RANBP3L: variants seen among roughly 807,000 people sequenced by gnomAD.
RANBP3L encodes RAN binding protein 3 like.
Under a neutral mutation model 67.2 loss-of-function variants are expected in RANBP3L, and 56 were observed. That is an observed-to-expected ratio of 0.83 (90% CI 0.67 to 1.04). RANBP3L has a LOEUF of 1.04. Ranked by LOEUF, RANBP3L falls within the 50% of genes least tolerant of loss-of-function variation. The pLI is 0.00. For missense variants in RANBP3L, 496 were observed against 535.5 expected, an observed-to-expected ratio of 0.93 and a Z score of 0.73; for synonymous variants, 164 against 181.4, an observed-to-expected ratio of 0.90 and a Z score of 0.77.
In RANBP3L at chr5:36,269,475, A is replaced by G; in HGVS notation, c.191-8T>C. The G allele has an allele frequency of 6.8e-7, 1 of 1,462,996 alleles. No individual in the cohort carries two copies. Among genetic ancestry groups the G allele is most frequent in the South Asian group, 1.1e-5 (1 of 87,184 alleles). The allele number at this position is 1,462,996 out of a possible 1,614,324, so 90.6% of individuals were successfully genotyped here. On this transcript the variant is annotated splice_region_variant and splice_polypyrimidine_tract_variant and intron_variant, in intron 3 of 13. Transcript: ENST00000296604. Reference sequence around the variant, plus strand: ...TTGGAAAACCATTACATTCTGCAAGAAAAGCAATGGAAAGGCTAAAATTAC... The same window carrying G: ...TTGGAAAACCATTACATTCTGCAAGGAAAGCAATGGAAAGGCTAAAATTAC...
chr5:36,286,599 G>A (rs1266280171), intron 1 of RANBP3L, among the ~76,000 whole-genome samples: 1 of 152,154 alleles, frequency 6.6e-6, no homozygotes, highest in African/African-American at 2.4e-5. Flanking sequence ...GAATCAGAAA[G>A]TCAGAATGGG....
intron 1 of RANBP3L, among the ~76,000 whole-genome samples, chr5:36,295,493 G>A (rs1314811371): frequency 6.6e-6 from 1 of 152,126 alleles, no homozygotes; most frequent in Non-Finnish European, 1.5e-5. Flanking sequence ...GTGGAACTGT[G>A]TGTCAATTAA....
intron 6 of RANBP3L, among the ~76,000 whole-genome samples, chr5:36,262,811 C>T (rs1434940939): frequency 2.0e-5 from 3 of 152,008 alleles, no homozygotes; most frequent in Non-Finnish European, 4.4e-5. Flanking sequence ...ATCAAGAGAG[C>T]ATGTGCCATG....
chr5:36,281,411 C>G (rs187531303), intron 1 of RANBP3L, among the ~76,000 whole-genome samples: 1 of 152,300 alleles, frequency 6.6e-6, no homozygotes, highest in East Asian at 1.9e-4. Flanking sequence ...GGACCTGTCT[C>G]AGGTCACACA....
chr5:36,294,806 A>C (rs1316716516), intron 1 of RANBP3L, among the ~76,000 whole-genome samples: 1 of 147,986 alleles, frequency 6.8e-6, no homozygotes, highest in Non-Finnish European at 1.5e-5. Flanking sequence ...TATAGTGTAT[A>C]TATGTATGTA....
chr5:36,272,059 A>G (rs1330785491), intron 1 of RANBP3L, among the ~76,000 whole-genome samples: 2 of 152,180 alleles, frequency 1.3e-5, no homozygotes, highest in Non-Finnish European at 2.9e-5. Context: ...GTGTTCAAAT[A>G]TAAGTTACAT....
chr5:36,260,811 A>C lies in RANBP3L; in HGVS notation c.638T>G (p.Val213Gly). ...CSFKSCSSNF[V>G]FGENMVERVL... Reference sequence around the variant, plus strand: ...TCTTTCTACCATGTTTTCTCCAAAAACAAAATTGGAACTGCAGCTTTTAAA... The same window carrying C: ...TCTTTCTACCATGTTTTCTCCAAAACCAAAATTGGAACTGCAGCTTTTAAA... The change falls in exon 8 of 14, where the codon GTT becomes GGT. Residue 213 changes from valine to glycine, a missense_variant. Coordinates refer to ENST00000296604, the MANE Select transcript of RANBP3L (RefSeq NM_145000.5). 3 of 1,564,198 alleles carry C rather than the reference A, an allele frequency of 1.9e-6. No individual in the cohort carries two copies. The highest frequency in any genetic ancestry group is 2.6e-6 in the Non-Finnish European group (3 of 1,139,788).
At chr5:36,283,533 T>C (rs1186884945) in intron 1 of RANBP3L, among the ~76,000 whole-genome samples, 2 of 130,798 alleles carry the variant, frequency 1.5e-5, no homozygotes, top group Middle Eastern at 3.4e-3. Context: ...GCTCTGTATA[T>C]AAAAATACAC....
chr5:36,298,160 C>T (rs1043366039), intron 1 of RANBP3L, among the ~76,000 whole-genome samples: 2 of 151,794 alleles, frequency 1.3e-5, no homozygotes, highest in Non-Finnish European at 2.9e-5. Flanking sequence ...ATTAGCCAGG[C>T]ATGGTGGAGT....
chr5:36,255,409 T>C, intron 11 of RANBP3L, 61 bp downstream of exon 11: 7 of 1,497,846 alleles, frequency 4.7e-6, no homozygotes, highest in Non-Finnish European at 5.5e-6. Context: ...ACCTATATTA[T>C]TATAAGTACA....
At chr5:36,278,443 C>T (rs1229848735) in intron 1 of RANBP3L, among the ~76,000 whole-genome samples, 3 of 152,046 alleles carry the variant, frequency 2.0e-5, no homozygotes, top group South Asian at 2.1e-4. Context: ...ATAAGGTTCC[C>T]GGGTGATTTG....
At chr5:36,264,438 A>C (rs921247931) in intron 6 of RANBP3L, among the ~76,000 whole-genome samples, 10 of 152,188 alleles carry the variant, frequency 6.6e-5, no homozygotes, top group Non-Finnish European at 1.5e-4. Context: ...AGAGTGATTC[A>C]GACACTACAT....
chr5:36,254,315 A>G (rs1224524429), intron 11 of RANBP3L, among the ~76,000 whole-genome samples: 1 of 152,124 alleles, frequency 6.6e-6, no homozygotes, highest in African/African-American at 2.4e-5. Context: ...ATCTATATAT[A>G]CAGAAAACAA....
Position 36,253,748 on chromosome 5 carries a change from T to A in RANBP3L, c.1066A>T (p.Lys356Ter), listed in dbSNP as rs763388998. The change falls in exon 12 of 14, where the codon AAA becomes TAA. Residue 356 changes from lysine (K) to a stop codon, truncating the protein, a stop_gained. Coordinates refer to ENST00000296604, the MANE Select transcript of RANBP3L (RefSeq NM_145000.5). LOFTEE classifies it high-confidence loss of function. ...TGAATCTTCATTTGGGCCCAGAGTT[T>A]GCTGTTGAGGATCAGCCTTAGACTG... ...QGSLRLILNS[K>*]LWAQMKIQRA... 6 of 1,613,206 alleles carry A rather than the reference T, an allele frequency of 3.7e-6. No individual in the cohort carries two copies. The highest frequency in any genetic ancestry group is 3.3e-4 in the Middle Eastern group (2 of 6,056).
chr5:36,279,920 G>C (rs575680799), intron 1 of RANBP3L, among the ~76,000 whole-genome samples: 2 of 152,096 alleles, frequency 1.3e-5, no homozygotes, highest in Admixed American at 1.3e-4. Flanking sequence ...ATACCAAGCT[G>C]ATAAAGAAAG....
Position 36,248,849 on chromosome 5 carries a change from T to C in RANBP3L, c.*805A>G, listed in dbSNP as rs543918914. The C allele has an allele frequency of 6.6e-6, 1 of 152,256 alleles. No homozygotes were observed. Among genetic ancestry groups the C allele is most frequent in the South Asian group, 2.1e-4 (1 of 4,826 alleles). The allele number at this position is 152,256 out of a possible 1,614,324, so 9.4% of individuals were successfully genotyped here. ...ATTACTGTAGCCTACTATAATAATA[T>C]CATTTAAGAAAAAGATTCATTTGGC... On this transcript the variant is annotated 3_prime_UTR_variant, in exon 14 of 14. Coordinates refer to ENST00000296604, the MANE Select transcript of RANBP3L (RefSeq NM_145000.5).
rs575482570 is a variant in RANBP3L at position 36,256,926 on chromosome 5, A to C, written c.903+15T>G. ...TGTAAATGCTACCAGAAAGAGTAAA[A>C]CATGATATACAGACCTTTAACACAT... On this transcript the variant is annotated intron_variant, in intron 10 of 13. Transcript: ENST00000296604. 2 of 1,605,262 alleles carry C rather than the reference A, an allele frequency of 1.2e-6. No individual in the cohort carries two copies. Among genetic ancestry groups the C allele is most frequent in the South Asian group, 2.2e-5 (2 of 89,236 alleles).
In RANBP3L at chr5:36,265,444, C is replaced by T. The variant is rs1424496084; in HGVS notation, c.340+5G>A. ...TCTGAGGTTCTTGAAATAGAAGCTA[C>T]ATACCTTGTTCAGCACTCTTTATAT... On this transcript the variant is annotated splice_donor_5th_base_variant and intron_variant, in intron 5 of 13. Coordinates refer to ENST00000296604, the MANE Select transcript of RANBP3L (RefSeq NM_145000.5). 6.4e-7 allele frequency: 1 copy of T among 1,564,934 alleles called. No individual in the cohort carries two copies. Among genetic ancestry groups the T allele is most frequent in the Non-Finnish European group, 8.8e-7 (1 of 1,142,358 alleles).
intron 6 of RANBP3L, among the ~76,000 whole-genome samples, chr5:36,264,203 T>C (rs1177961775): frequency 1.6e-4 from 24 of 152,210 alleles, no homozygotes. Flanking sequence ...TTATGTTCAC[T>C]AAGGGAAAAC....
Sources: gnomAD v4.1 joint callset for allele counts (sites outside exome capture counted in the v4.1 genomes callset) on GRCh38, gnomAD v4.1.1 for gene constraint, MANE v1.5 for transcripts, NCBI Gene and HGNC (gene_info 2026-07-23, HGNC 2026-07-21) for gene names.